Variants in PPP3R1 observed in about 807,000 individuals in gnomAD.
PPP3R1 encodes the protein calcineurin subunit B type 1.
PPP3R1 carries 5 observed loss-of-function variants against 22.6 expected under a neutral mutation model. The observed-to-expected ratio is 0.22, with a 90% confidence interval of 0.12 to 0.46. The LOEUF (loss-of-function observed/expected upper bound fraction) is 0.46. Ranked by LOEUF, PPP3R1 falls within the 20% of genes least tolerant of loss-of-function variation. The pLI is 0.99. For synonymous variants in PPP3R1, 56 were observed against 65.2 expected (o/e 0.86, Z 0.68); for missense variants, 61 against 203.2 (o/e 0.30, Z 4.25).
At chr2:68,247,289 T>TA (rs1670256339) in intron 1 of PPP3R1, among the ~76,000 whole-genome samples, 1 of 148,400 alleles carries the variant, frequency 6.7e-6, no homozygotes, top group African/African-American at 2.4e-5. Flanking sequence ...TGTGCAAAAA[T>TA]AAAAATTCTC....
chr2:68,203,525 CA>C (rs1455915189), intron 2 of PPP3R1, among the ~76,000 whole-genome samples: 1 of 151,554 alleles, frequency 6.6e-6, no homozygotes, highest in Admixed American at 6.6e-5. Context: ...AGCTTGAACC[CA>C]GGAGGCAGAG....
At chr2:68,185,809 G>A (rs565123291) in intron 5 of PPP3R1, among the ~76,000 whole-genome samples, 3 of 152,224 alleles carry the variant, frequency 2.0e-5, no homozygotes, top group South Asian at 2.1e-4. Flanking sequence ...AAAAAAAGAC[G>A]CAGTCTATTC....
intron 1 of PPP3R1, among the ~76,000 whole-genome samples, chr2:68,247,886 ATAAT>A (rs2103817849): frequency 6.6e-6 from 1 of 152,282 alleles, no homozygotes; most frequent in East Asian, 1.9e-4. Flanking sequence ...ATAAATTACT[ATAAT>A]TATTTCTGAA....
At chr2:68,251,977 C>T (rs1670371992) in intron 1 of PPP3R1, 148 bp downstream of exon 1, 2 of 832,264 alleles carry the variant, frequency 2.4e-6, no homozygotes, top group Non-Finnish European at 3.0e-6. Flanking sequence ...CCGGCTCGCC[C>T]GCAACCGCCG....
intron 2 of PPP3R1, among the ~76,000 whole-genome samples, chr2:68,192,568 T>C (rs1366348004): frequency 6.6e-6 from 1 of 152,102 alleles, no homozygotes; most frequent in Non-Finnish European, 1.5e-5. Context: ...TTTTAGCTAC[T>C]CAGAAAACTC....
intron 2 of PPP3R1, among the ~76,000 whole-genome samples, chr2:68,202,860 T>TGG (rs1258073297): frequency 7.4e-6 from 1 of 134,240 alleles, no homozygotes; most frequent in East Asian, 2.3e-4. Context: ...TGGAGTGCAG[T>TGG]GGCATGATCT....
At chr2:68,211,653 T>C (rs1572963732) in intron 2 of PPP3R1, among the ~76,000 whole-genome samples, 1 of 152,216 alleles carries the variant, frequency 6.6e-6, no homozygotes, top group Non-Finnish European at 1.5e-5. Flanking sequence ...TTGCCCACAG[T>C]AGAGCTTCTT....
intron 1 of PPP3R1, among the ~76,000 whole-genome samples, chr2:68,234,817 T>C (rs903431881): frequency 2.6e-5 from 4 of 152,180 alleles, no homozygotes; most frequent in Non-Finnish European, 4.4e-5. Flanking sequence ...GTATGGCATT[T>C]TCAATAATTA....
chr2:68,182,218 CTG>C (rs1254276500), intron 5 of PPP3R1, among the ~76,000 whole-genome samples: 4 of 151,982 alleles, frequency 2.6e-5, no homozygotes, highest in Admixed American at 6.6e-5. Flanking sequence ...TATTTGTTAT[CTG>C]TATTATTTTT....
At chr2:68,250,449 T>A (rs556466782) in intron 1 of PPP3R1, among the ~76,000 whole-genome samples, 6 of 152,338 alleles carry the variant, frequency 3.9e-5, no homozygotes, top group African/African-American at 1.4e-4. Context: ...AGATCATTGT[T>A]CCTCAAATGT....
intron 1 of PPP3R1, among the ~76,000 whole-genome samples, chr2:68,225,735 G>A (rs1669768508): frequency 6.6e-6 from 1 of 152,198 alleles, no homozygotes. Flanking sequence ...ACATACCAAA[G>A]TGTTGGTGAA....
chr2:68,198,112 A>G (rs951962356), intron 2 of PPP3R1, among the ~76,000 whole-genome samples: 34 of 141,182 alleles, frequency 2.4e-4, no homozygotes, highest in African/African-American at 8.5e-4. Flanking sequence ...AAACATATAT[A>G]TGTAAATATA....
At chr2:68,252,051 G>T in intron 1 of PPP3R1, 74 bp downstream of exon 1, 1 of 1,325,140 alleles carries the variant, frequency 7.5e-7, no homozygotes. Flanking sequence ...GGGGCGTCGG[G>T]GCTCGCCCCC....
intron 2 of PPP3R1, among the ~76,000 whole-genome samples, chr2:68,198,733 T>C (rs1674891981): frequency 6.6e-6 from 1 of 152,136 alleles, no homozygotes. Flanking sequence ...AAGAATTTGA[T>C]TGGGAAGGTC....
intron 5 of PPP3R1, among the ~76,000 whole-genome samples, chr2:68,182,049 AC>A (rs1448788883): frequency 2.8e-5 from 4 of 142,478 alleles, no homozygotes; most frequent in East Asian, 2.1e-4. Flanking sequence ...TCTTCCAGTC[AC>A]CAGACATCTC....
intron 1 of PPP3R1, among the ~76,000 whole-genome samples, chr2:68,230,009 CACATAT>C (rs1428832310): frequency 2.2e-5 from 3 of 135,188 alleles, no homozygotes; most frequent in Non-Finnish European, 4.7e-5. Flanking sequence ...CACACACACA[CACATAT>C]ATATTTGGAG....
chr2:68,246,067 C>CTTTTTTTTTTTTTTTTTTTTTTTTTT (rs746584723), intron 1 of PPP3R1, among the ~76,000 whole-genome samples: 5 of 73,806 alleles, frequency 6.8e-5, no homozygotes, highest in Non-Finnish European at 9.2e-5. Flanking sequence ...TTCTTTCTTT[C>CTTTTTTTTTTTTTTTTTTTTTTTTTT]TTTTTTTTTT....
At chr2:68,206,045 G>A (rs1462691100) in intron 2 of PPP3R1, among the ~76,000 whole-genome samples, 3 of 151,534 alleles carry the variant, frequency 2.0e-5, no homozygotes, top group Non-Finnish European at 4.4e-5. Context: ...CTTGAACTCC[G>A]GACCTCAGGT....
intron 1 of PPP3R1, among the ~76,000 whole-genome samples, chr2:68,246,041 CCTTTTTACT>C (rs1205496051): frequency 2.0e-5 from 3 of 150,066 alleles, no homozygotes; most frequent in Non-Finnish European, 3.0e-5. Flanking sequence ...CCCTTTTTAC[CCTTTTTACT>C]GACTTTTTCT....
Sources: allele counts gnomAD v4.1 joint callset (sites outside exome capture counted in the v4.1 genomes callset), GRCh38; gene constraint gnomAD v4.1.1; transcripts MANE v1.5; gene names NCBI Gene and HGNC (gene_info 2026-07-23, HGNC 2026-07-21).